The following ZNF462 variants were observed in gnomAD, a reference collection of about 807,000 sequenced individuals.
ZNF462 encodes the protein zinc finger protein 462.
Under a neutral mutation model 201.9 loss-of-function variants are expected in ZNF462, and 10 were observed. The ratio of observed to expected loss-of-function variants is 0.05; its 90% confidence interval spans 0.03 to 0.08. The LOEUF (loss-of-function observed/expected upper bound fraction) is 0.08. ZNF462 is among the 10% of genes least tolerant of loss of function. The probability of loss-of-function intolerance (pLI) is 1.00; values close to 1 mark genes in which losing one functional copy is unlikely to be tolerated. For synonymous variants in ZNF462, 1,227 were observed against 1,193.3 expected (o/e 1.03, Z -0.58); for missense variants, 2,523 against 3,168.3 (o/e 0.80, Z 4.89).
In ZNF462 at chr9:106,890,005, C is replaced by T. The variant is rs1828506556; in HGVS notation, c.-31+26650C>T. ...GCATTGATACTTACACATATCCAGG[C>T]CAACTAATAGGTGTGACCATTTCTT... On this transcript the variant is annotated intron_variant, in intron 1 of 12. Coordinates refer to ENST00000277225, the MANE Select transcript of ZNF462 (RefSeq NM_021224.6). The surrounding 1 kb of genome is among the most constrained non-coding windows in gnomAD (Gnocchi z 4.2). Among the ~76,000 whole-genome samples, 1 of 152,196 alleles carries T rather than the reference C, an allele frequency of 6.6e-6. No individual in the cohort carries two copies. Among genetic ancestry groups the T allele is most frequent in the South Asian group, 2.1e-4 (1 of 4,828 alleles).
In ZNF462 at chr9:106,985,018, G is replaced by C. The variant is rs192987089; in HGVS notation, c.7056+609G>C. Among the ~76,000 whole-genome samples, 466 of 152,258 alleles carry C rather than the reference G, an allele frequency of 3.1e-3. 4 individuals are homozygous for C. The highest frequency in any genetic ancestry group is 0.011 in the African/African-American group (455 of 41,544). Reference sequence around the variant, plus strand: ...CCCAACTACTTGGGAGGCTGAGGAGGGAGGATCACTTGAGCCTGGGAGGTG... The same window carrying C: ...CCCAACTACTTGGGAGGCTGAGGAGCGAGGATCACTTGAGCCTGGGAGGTG... On this transcript the variant is annotated intron_variant, in intron 10 of 12. Coordinates refer to ENST00000277225, the MANE Select transcript of ZNF462 (RefSeq NM_021224.6).
At chr9:106,973,433 A>T (rs1335101296) in intron 8 of ZNF462, among the ~76,000 whole-genome samples, 1 of 152,154 alleles carries the variant, frequency 6.6e-6, no homozygotes, top group Non-Finnish European at 1.5e-5. Context: ...TACATTTGTG[A>T]TTTGGTGCTG....
chr9:106,875,495 G>A (rs1451225791), intron 1 of ZNF462, among the ~76,000 whole-genome samples: 1 of 152,206 alleles, frequency 6.6e-6, no homozygotes, highest in Admixed American at 6.5e-5. Flanking sequence ...CTGTGTTTAA[G>A]ATAATGCCTT....
At chr9:106,908,041 CA>C (rs1421683752) in intron 1 of ZNF462, among the ~76,000 whole-genome samples, 1 of 151,728 alleles carries the variant, frequency 6.6e-6, no homozygotes, top group Non-Finnish European at 1.5e-5. Flanking sequence ...ACCTTTATTT[CA>C]CTGTAAGTAG....
intron 1 of ZNF462, among the ~76,000 whole-genome samples, chr9:106,869,367 A>AT (rs1478085760): frequency 6.6e-6 from 1 of 152,224 alleles, no homozygotes; most frequent in Non-Finnish European, 1.5e-5. Context: ...TATACATGAA[A>AT]TCATCCTTAA....
At position 106,987,922 on chromosome 9, in the gene ZNF462, C is replaced by T. The variant is rs150528141; in HGVS notation, c.7056+3513C>T. On this transcript the variant is annotated intron_variant, in intron 10 of 12. Transcript: ENST00000277225. Reference sequence around the variant, plus strand: ...CAGCACCATTTGTTGAAAAGGGTGTCCTTTCCCCACTTCATGTTTTGTTTG... The same window carrying T: ...CAGCACCATTTGTTGAAAAGGGTGTTCTTTCCCCACTTCATGTTTTGTTTG... Among the ~76,000 whole-genome samples the T allele has an allele frequency of 1.3e-4, 20 of 152,242 alleles. No homozygotes were observed. In the East Asian group the frequency reaches 3.3e-3, roughly 25 times the overall value.
rs1430936975 is a variant in ZNF462, at chr9:107,011,348, G to A, written c.*318G>A. 8.6e-6 allele frequency: 2 copies of A among 231,954 alleles called. No individual in the cohort carries two copies. The highest frequency in any genetic ancestry group is 1.7e-5 in the Non-Finnish European group (2 of 118,166). The allele number at this position is 231,954 out of a possible 1,614,324, so 14.4% of individuals were successfully genotyped here. A position where few individuals can be genotyped will look rare whatever the true frequency, so the allele number is the denominator to read the frequency against. On this transcript the variant is annotated 3_prime_UTR_variant, in exon 13 of 13. Transcript: ENST00000277225. The surrounding 1 kb of genome is among the most constrained non-coding windows in gnomAD (Gnocchi z 5.6). ...GTGCACCCTGTGGTGGTCTTGGACAGTATGTGGAAACAGAAGCTCCATGAC... is the reference window on the plus strand; with the variant it reads ...GTGCACCCTGTGGTGGTCTTGGACAATATGTGGAAACAGAAGCTCCATGAC...
intron 7 of ZNF462, among the ~76,000 whole-genome samples, chr9:106,969,499 C>T: frequency 6.6e-6 from 1 of 152,134 alleles, no homozygotes; most frequent in Non-Finnish European, 1.5e-5. Context: ...GTCTGCCTGA[C>T]AGATCAGTGC....
At chr9:106,864,109 T>TCTCTCTCTCTCTCTCC in intron 1 of ZNF462, among the ~76,000 whole-genome samples, 1 of 115,382 alleles carries the variant, frequency 8.7e-6, no homozygotes, top group African/African-American at 3.7e-5. Flanking sequence ...TCTCTCTCTC[T>TCTCTCTCTCTCTCTCC]CCCTCTCCCC....
chr9:106,997,987 T>C (rs1412239907), intron 10 of ZNF462, among the ~76,000 whole-genome samples: 1 of 152,188 alleles, frequency 6.6e-6, no homozygotes, highest in Non-Finnish European at 1.5e-5. Context: ...GCTTCTGAGC[T>C]ACAACAGCAG....
intron 7 of ZNF462, among the ~76,000 whole-genome samples, chr9:106,971,375 A>AAAAAC (rs1554713163): frequency 0.023 from 3,514 of 151,242 alleles, 129 homozygotes; most frequent in African/African-American, 0.08. Context: ...TTAAAAAAAA[A>AAAAAC]AACAACAACA....
At chr9:106,970,000 A>G (rs7865916) in intron 7 of ZNF462, among the ~76,000 whole-genome samples, 2,604 of 152,298 alleles carry the variant, frequency 0.017, 43 homozygotes, top group Non-Finnish European at 0.024. Flanking sequence ...ACTAGACTTG[A>G]GGGCTTAAAT....
chr9:106,887,899 T>C (rs1397411778), intron 1 of ZNF462, among the ~76,000 whole-genome samples: 2 of 152,164 alleles, frequency 1.3e-5, no homozygotes, highest in African/African-American at 4.8e-5. Context: ...AAGTGTAATT[T>C]TGGAACCCTT....
chr9:106,986,650 A>G (rs1827854943), intron 10 of ZNF462, among the ~76,000 whole-genome samples: 1 of 152,158 alleles, frequency 6.6e-6, no homozygotes, highest in Non-Finnish European at 1.5e-5. Context: ...ATTGCGATAC[A>G]AGTGGCATTT....
chr9:106,919,009 C>G lies in ZNF462; in HGVS notation c.-30-4345C>G, dbSNP rs771831865. ...CCTTATGGTGTTTCTGGTTCTATTT[C>G]TCAAAGGCTTTGAAGGTTATAATTA... is the stretch of plus-strand genomic sequence containing the variant. On this transcript the variant is annotated intron_variant, in intron 1 of 12. Coordinates refer to ENST00000277225, the MANE Select transcript of ZNF462 (RefSeq NM_021224.6). This position sits in a 1 kb window ranked among gnomAD's most constrained non-coding sequence, Gnocchi z 4.5. Among the ~76,000 whole-genome samples, 16 of 152,336 alleles carry G rather than the reference C, an allele frequency of 1.1e-4. No homozygotes were observed. Among genetic ancestry groups the G allele is most frequent in the Non-Finnish European group, 1.9e-4 (13 of 68,030 alleles).
chr9:106,873,371 A>G (rs1041776123), intron 1 of ZNF462, among the ~76,000 whole-genome samples: 1 of 152,114 alleles, frequency 6.6e-6, no homozygotes, highest in Non-Finnish European at 1.5e-5. Context: ...AAACTCAGAA[A>G]AAAAGGAGCC....
chr9:106,937,792 A>G (rs1564117955), intron 6 of ZNF462, among the ~76,000 whole-genome samples: 1 of 152,310 alleles, frequency 6.6e-6, no homozygotes, highest in East Asian at 1.9e-4. Flanking sequence ...TAAATCATCA[A>G]TAGGATATGC....
intron 7 of ZNF462, among the ~76,000 whole-genome samples, chr9:106,943,055 C>T (rs1219229794): frequency 1.1e-4 from 9 of 81,186 alleles, no homozygotes; most frequent in Middle Eastern, 5.7e-3. Flanking sequence ...TTGTTTTGCG[C>T]GCGCGTGTGT....
intron 1 of ZNF462, among the ~76,000 whole-genome samples, chr9:106,867,150 T>G (rs149916490): frequency 6.6e-6 from 1 of 152,200 alleles, no homozygotes; most frequent in Non-Finnish European, 1.5e-5. Flanking sequence ...CACATCCATC[T>G]CTGATGCCCT....
Sources: allele counts gnomAD v4.1 joint callset (sites outside exome capture counted in the v4.1 genomes callset), GRCh38; gene constraint gnomAD v4.1.1; non-coding constraint Gnocchi (gnomAD v3.1); transcripts MANE v1.5; gene names NCBI Gene and HGNC (gene_info 2026-07-23, HGNC 2026-07-21).